NDUFAF2: variants seen among roughly 807,000 people sequenced by gnomAD.
NDUFAF2 encodes the protein NADH dehydrogenase [ubiquinone] 1 alpha subcomplex assembly factor 2.
NDUFAF2 carries 13 observed loss-of-function variants against 22.8 expected under a neutral mutation model. The ratio of observed to expected loss-of-function variants is 0.57; its 90% CI spans 0.37 to 0.91. The LOEUF (loss-of-function observed/expected upper bound fraction) is 0.91. Among genes scored for constraint, NDUFAF2 ranks in the 40% least tolerant of loss-of-function variants. The pLI is 0.01. For missense variants in NDUFAF2, 162 were observed against 195.2 expected, an observed-to-expected ratio of 0.83 and a Z score of 1.01; for synonymous variants, 53 against 64.2, an observed-to-expected ratio of 0.83 and a Z score of 0.84.
chr5:60,965,637 G>A (rs954667199), intron 1 of NDUFAF2, among the ~76,000 whole-genome samples: 2 of 152,020 alleles, frequency 1.3e-5, no homozygotes, highest in African/African-American at 4.8e-5. Context: ...TTTTGTGCCT[G>A]TCTTATTTCA....
At chr5:61,006,303 G>C (rs756915537) in intron 1 of NDUFAF2, among the ~76,000 whole-genome samples, 44 of 152,108 alleles carry the variant, frequency 2.9e-4, no homozygotes, top group Non-Finnish European at 4.0e-4. Flanking sequence ...TGGTCTATAT[G>C]TCTGTTTTGG....
chr5:61,130,204 G>A (rs1433241078), intron 3 of NDUFAF2, among the ~76,000 whole-genome samples: 1 of 152,040 alleles, frequency 6.6e-6, no homozygotes, highest in Non-Finnish European at 1.5e-5. Flanking sequence ...GCTGAAACTT[G>A]TACTTAAATA....
intron 1 of NDUFAF2, among the ~76,000 whole-genome samples, chr5:60,996,004 T>G (rs1751223989): frequency 6.6e-6 from 1 of 152,136 alleles, no homozygotes; most frequent in Admixed American, 6.5e-5. Context: ...CTGCTTTTGT[T>G]AAATGCTGCC....
intron 1 of NDUFAF2, among the ~76,000 whole-genome samples, chr5:61,060,928 C>T (rs1325210337): frequency 1.3e-5 from 2 of 152,004 alleles, no homozygotes. Context: ...AAAGGCTGCC[C>T]AAATATCTCT....
At chr5:61,054,100 C>CTGA (rs1395246211) in intron 1 of NDUFAF2, among the ~76,000 whole-genome samples, 1 of 152,052 alleles carries the variant, frequency 6.6e-6, no homozygotes, top group East Asian at 1.9e-4. Context: ...ACTCCAGAGG[C>CTGA]TGAGGTGGGA....
At chr5:60,986,094 A>T (rs534832016) in intron 1 of NDUFAF2, among the ~76,000 whole-genome samples, 1 of 152,314 alleles carries the variant, frequency 6.6e-6, no homozygotes, top group East Asian at 1.9e-4. Flanking sequence ...GAGGTTCTTC[A>T]AAAAACTAAA....
intron 3 of NDUFAF2, among the ~76,000 whole-genome samples, chr5:61,119,113 G>A (rs1752946857): frequency 6.6e-6 from 1 of 152,138 alleles, no homozygotes; most frequent in East Asian, 1.9e-4. Flanking sequence ...TGAAAAATGG[G>A]ATACTTGAAA....
At chr5:60,999,328 T>G (rs1049426306) in intron 1 of NDUFAF2, among the ~76,000 whole-genome samples, 3 of 152,026 alleles carry the variant, frequency 2.0e-5, no homozygotes, top group African/African-American at 7.2e-5. Flanking sequence ...CATCTATCAA[T>G]GGATGAATGA....
At chr5:61,034,284 TTAA>T (rs1198450410) in intron 1 of NDUFAF2, among the ~76,000 whole-genome samples, 2 of 152,188 alleles carry the variant, frequency 1.3e-5, no homozygotes, top group African/African-American at 4.8e-5. Flanking sequence ...TATGTGTCAC[TTAA>T]TGATGGGGAT....
At chr5:61,137,920 C>G (rs1313227659) in intron 3 of NDUFAF2, among the ~76,000 whole-genome samples, 2 of 152,222 alleles carry the variant, frequency 1.3e-5, no homozygotes, top group African/African-American at 2.4e-5. Flanking sequence ...CCATCAGAGT[C>G]TTTGTACATC....
intron 1 of NDUFAF2, among the ~76,000 whole-genome samples, chr5:60,984,911 A>G (rs901433246): frequency 5.3e-5 from 8 of 152,186 alleles, no homozygotes; most frequent in African/African-American, 1.9e-4. Context: ...GGCCTCATCA[A>G]ATGAGTTAGG....
intron 1 of NDUFAF2, among the ~76,000 whole-genome samples, chr5:60,953,634 G>T (rs1750577013): frequency 6.6e-6 from 1 of 152,118 alleles, no homozygotes; most frequent in African/African-American, 2.4e-5. Flanking sequence ...TGATGTATTT[G>T]TTGGGTGTAG....
chr5:61,076,083 GT>G (rs1264130792), intron 2 of NDUFAF2, among the ~76,000 whole-genome samples: 1 of 151,924 alleles, frequency 6.6e-6, no homozygotes, highest in Non-Finnish European at 1.5e-5. Flanking sequence ...TTTTTTGTTT[GT>G]TTTTTAAGAT....
At chr5:61,045,493 A>C (rs1032993754) in intron 1 of NDUFAF2, among the ~76,000 whole-genome samples, 2 of 151,086 alleles carry the variant, frequency 1.3e-5, no homozygotes, top group African/African-American at 4.9e-5. Flanking sequence ...TTTTAATTTT[A>C]TTTAAAAGTT....
chr5:61,126,639 C>G (rs554511137), intron 3 of NDUFAF2, among the ~76,000 whole-genome samples: 1 of 152,180 alleles, frequency 6.6e-6, no homozygotes, highest in East Asian at 1.9e-4. Context: ...CGTATTTTCA[C>G]ACCAGAATAA....
At chr5:61,086,081 A>G (rs1196894540) in intron 2 of NDUFAF2, among the ~76,000 whole-genome samples, 2 of 152,064 alleles carry the variant, frequency 1.3e-5, no homozygotes, top group African/African-American at 4.8e-5. Flanking sequence ...ATCATTCCAC[A>G]GCTCTCCAGC....
At chr5:61,028,725 T>A (rs746576086) in intron 1 of NDUFAF2, among the ~76,000 whole-genome samples, 4 of 152,158 alleles carry the variant, frequency 2.6e-5, no homozygotes, top group Non-Finnish European at 5.9e-5. Context: ...GAAATGGCAT[T>A]GCTATGGCAA....
chr5:61,072,965 C>A (rs1258899588), intron 1 of NDUFAF2, among the ~76,000 whole-genome samples, 160 bp from the exon 2 acceptor site: 2 of 152,142 alleles, frequency 1.3e-5, no homozygotes, highest in Non-Finnish European at 2.9e-5. Context: ...TAGAATTTGC[C>A]TTTTGTAATA....
chr5:61,116,288 C>T (rs545683042), intron 3 of NDUFAF2: 1 of 152,154 alleles, frequency 6.6e-6, no homozygotes, highest in Non-Finnish European at 1.5e-5. Context: ...GAGACCCATA[C>T]AAATAAATAG....
Sources: gnomAD v4.1 joint callset for allele counts (sites outside exome capture counted in the v4.1 genomes callset) on GRCh38, gnomAD v4.1.1 for gene constraint, MANE v1.5 for transcripts, NCBI Gene and HGNC (gene_info 2026-07-23, HGNC 2026-07-21) for gene names.